Variants in SLC38A10 observed in about 807,000 individuals in gnomAD.
The protein encoded by SLC38A10 is Sodium-coupled neutral amino acid transporter 10.
A neutral mutation model predicts 81.0 loss-of-function variants in SLC38A10; 53 were observed. The ratio of observed to expected loss-of-function variants is 0.65; its 90% confidence interval spans 0.53 to 0.82. The LOEUF is 0.82. Among genes scored for constraint, SLC38A10 ranks in the 40% least tolerant of loss-of-function variants. The probability of loss-of-function intolerance (pLI) is 0.00; values close to 1 mark genes in which losing one functional copy is unlikely to be tolerated. For missense variants in SLC38A10, 1,471 were observed against 1,545.0 expected (o/e 0.95, Z 0.80); for synonymous variants, 665 against 655.3 (o/e 1.01, Z -0.23).
Position 81,283,603 on chromosome 17 carries a change from G to A in SLC38A10, c.264-101C>T. On this transcript the variant is annotated intron_variant, in intron 3 of 15. Coordinates refer to ENST00000374759, the MANE Select transcript of SLC38A10 (RefSeq NM_001037984.3). This position sits in a 1 kb window ranked among gnomAD's most constrained non-coding sequence, Gnocchi z 4.7. Reference sequence around the variant, plus strand: ...CCCAAGGCTGGGCTGAATGACAGATGTGATTTCTTTTTTCTTTTTTTTTTT... The same window carrying A: ...CCCAAGGCTGGGCTGAATGACAGATATGATTTCTTTTTTCTTTTTTTTTTT... 3 of 760,726 alleles carry A rather than the reference G, an allele frequency of 3.9e-6. No homozygotes were observed. Among genetic ancestry groups the A allele is most frequent in the Non-Finnish European group, 6.4e-6 (3 of 471,562 alleles). 47.1% of individuals were successfully genotyped at this position (760,726 alleles called of 1,614,324 possible). A position where few individuals can be genotyped will look rare whatever the true frequency, so the allele number is the denominator to read the frequency against.
chr17:81,270,047 T>C lies in SLC38A10; in HGVS notation c.1131+871A>G, dbSNP rs888195584. Among the ~76,000 whole-genome samples the C allele has an allele frequency of 6.6e-6, 1 of 152,008 alleles. No individual in the cohort carries two copies. The highest frequency in any genetic ancestry group is 1.5e-5 in the Non-Finnish European group (1 of 67,916). On this transcript the variant is annotated intron_variant, in intron 10 of 15. Coordinates refer to ENST00000374759, the MANE Select transcript of SLC38A10 (RefSeq NM_001037984.3). This position sits in a 1 kb window ranked among gnomAD's most constrained non-coding sequence, Gnocchi z 4.0. ...AAAAGTGAGCAAAGAACACAAGCAG[T>C]TCACAGAAAAAGAAACGCAAGTGGC...
intron 10 of SLC38A10, among the ~76,000 whole-genome samples, chr17:81,269,874 G>A (rs1182262708): frequency 6.6e-6 from 1 of 152,114 alleles, no homozygotes; most frequent in Non-Finnish European, 1.5e-5. Flanking sequence ...TGAGGCAGGA[G>A]AATCACTTGA....
In SLC38A10 at chr17:81,267,102, G is replaced by A. The variant is rs1387267778; in HGVS notation, c.1131+3816C>T. On this transcript the variant is annotated intron_variant, in intron 10 of 15. Coordinates refer to ENST00000374759, the MANE Select transcript of SLC38A10 (RefSeq NM_001037984.3). The stretch of plus-strand genomic sequence containing the variant: ...AACATGCAACTAACACAGTACGGAA[G>A]GGCAGACCAGCCAATAAAGTAAAAC... 2.0e-5 allele frequency among the ~76,000 whole-genome samples: 3 copies of A among 152,160 alleles called. No homozygotes were observed. In the East Asian group the frequency reaches 5.8e-4, roughly 29 times the overall value.
At chr17:81,252,778 C>T in intron 12 of SLC38A10, 95 bp from the exon 13 acceptor site, 2 of 1,489,736 alleles carry the variant, frequency 1.3e-6, no homozygotes, top group Non-Finnish European at 1.8e-6. Context: ...TTCTGGCTCC[C>T]AACAGTGTGA....
intron 13 of SLC38A10, 54 bp from the exon 14 acceptor site, chr17:81,251,666 T>G: frequency 8.4e-6 from 12 of 1,432,816 alleles, no homozygotes; most frequent in Admixed American, 2.7e-5. Flanking sequence ...AGGGAGGGTT[T>G]GGGGGGTTGG....
chr17:81,269,960 G>A (rs2044419751), intron 10 of SLC38A10, among the ~76,000 whole-genome samples: 1 of 151,882 alleles, frequency 6.6e-6, no homozygotes, highest in South Asian at 2.1e-4. Context: ...GTGAAACTCT[G>A]TCTCAAAAGA....
intron 11 of SLC38A10, among the ~76,000 whole-genome samples, chr17:81,256,917 C>T (rs1006378975): frequency 2.0e-5 from 3 of 152,214 alleles, no homozygotes; most frequent in East Asian, 3.9e-4. Flanking sequence ...GTACAGCCTC[C>T]GGCAGGCGGA....
chr17:81,245,375 T>G lies in SLC38A10; in HGVS notation c.*181A>C. ...TGCAACAGAACGACAGCAAGAACAT[T>G]CTGGAAACGATGCCACAGTGAATCT... On this transcript the variant is annotated 3_prime_UTR_variant, in exon 16 of 16. Transcript: ENST00000374759. 1.3e-6 allele frequency: 1 copy of G among 742,982 alleles called. No individual in the cohort carries two copies. Among genetic ancestry groups the G allele is most frequent in the South Asian group, 2.1e-5 (1 of 47,966 alleles). 46.0% of individuals were successfully genotyped at this position (742,982 alleles called of 1,614,324 possible). A position where few individuals can be genotyped will look rare whatever the true frequency, so the allele number is the denominator to read the frequency against.
intron 11 of SLC38A10, among the ~76,000 whole-genome samples, chr17:81,255,156 AGCGTTCT>A (rs1382675463): frequency 3.3e-5 from 5 of 152,248 alleles, no homozygotes; most frequent in Non-Finnish European, 7.3e-5. Flanking sequence ...CACGCCTCTC[AGCGTTCT>A]GCAAGTGTTG....
Position 81,276,014 on chromosome 17 carries a change from G to C in SLC38A10, c.867C>G (p.Ile289Met). 6.2e-7 allele frequency: 1 copy of C among 1,613,728 alleles called. No individual in the cohort carries two copies. The highest frequency in any genetic ancestry group is 8.5e-7 in the Non-Finnish European group (1 of 1,179,998). The change falls in exon 8 of 16, where the codon ATC (isoleucine) becomes ATG (methionine). Residue 289 changes from isoleucine to methionine, a missense_variant. Around this residue, in one of 2 missense-constraint regions of SLC38A10, gnomAD observed 720 missense variants for 827.7 expected, o/e 0.87. Transcript: ENST00000374759. The surrounding 1 kb of genome is among the most constrained non-coding windows in gnomAD (Gnocchi z 4.7). Reference sequence around the variant, plus strand: ...TGCTCAGGGCCTGCCTGCATGGCAGGATCATCATGGGGAAGCCCACAGCCA... The same window carrying C: ...TGCTCAGGGCCTGCCTGCATGGCAGCATCATCATGGGGAAGCCCACAGCCA... The part of the protein sequence containing the change: ...MSVAVGFPMM[I>M]LPCRQALSTL...
At position 81,283,124 on chromosome 17, in the gene SLC38A10, G is replaced by A. The variant is rs746650134; in HGVS notation, c.357+285C>T. Among the ~76,000 whole-genome samples, 16 of 152,296 alleles carry A rather than the reference G, an allele frequency of 1.1e-4. No homozygotes were observed. The highest frequency in any genetic ancestry group is 2.1e-4 in the South Asian group (1 of 4,826). ...GCCTCTGCCCTCCAATGGGCAGCCC[G>A]GGCTGGCAGAGACTTGCTCTGCACT... On this transcript the variant is annotated intron_variant, in intron 4 of 15. Coordinates refer to ENST00000374759, the MANE Select transcript of SLC38A10 (RefSeq NM_001037984.3). The surrounding 1 kb of genome is among the most constrained non-coding windows in gnomAD (Gnocchi z 4.7).
rs752515418 is a variant in SLC38A10 at position 81,252,232 on chromosome 17, G to A, written c.1908C>T (p.Ala636=). ...AKGGPPPGNA[A]GDTGQPAEDS... Reference sequence around the variant, plus strand: ...CCTCTGCGGGCTGCCCTGTGTCCCCGGCGGCGTTGCCTGGCGGCGGTCCCC... The same window carrying A: ...CCTCTGCGGGCTGCCCTGTGTCCCCAGCGGCGTTGCCTGGCGGCGGTCCCC... Residue 636 remains alanine (A), a synonymous_variant, in exon 13 of 16, where the codon GCC becomes GCT. Transcript: ENST00000374759. 1.6e-5 allele frequency: 24 copies of A among 1,541,704 alleles called. No homozygotes were observed. The highest frequency in any genetic ancestry group is 1.0e-4 in the Admixed American group (5 of 48,960).
rs764572675 is a variant in SLC38A10 at position 81,245,727 on chromosome 17, C to G, written c.3189G>C (p.Gln1063His). 1.3e-6 allele frequency: 2 copies of G among 1,597,918 alleles called. No individual in the cohort carries two copies. The highest frequency in any genetic ancestry group is 1.7e-6 in the Non-Finnish European group (2 of 1,168,868). ...TGATGACCCCATCCCTCGGGGCCAG[C>G]TGACCCTCTGCATGAGGGCCAAGGT... ...RRDLGPHAEG[Q>H]LAPRDGVIIG... The change falls in exon 16 of 16, where the codon CAG (glutamine) becomes CAC (histidine). Residue 1063 changes from glutamine to histidine, a missense_variant. Transcript: ENST00000374759.
chr17:81,286,590 G>T lies in SLC38A10; in HGVS notation c.218-1695C>A, dbSNP rs2063268884. Among the ~76,000 whole-genome samples, 1 of 152,216 alleles carries T rather than the reference G, an allele frequency of 6.6e-6. No homozygotes were observed. Among genetic ancestry groups the T allele is most frequent in the African/African-American group, 2.4e-5 (1 of 41,454 alleles). On this transcript the variant is annotated intron_variant, in intron 2 of 15. Coordinates refer to ENST00000374759, the MANE Select transcript of SLC38A10 (RefSeq NM_001037984.3). This position sits in a 1 kb window ranked among gnomAD's most constrained non-coding sequence, Gnocchi z 6.0. ...GGAAGAGGCTGAAGCGCCCAGCAAG[G>T]TCCCGGGGACCCAGCCCTCCCCCGA...
At position 81,245,880 on chromosome 17, in the gene SLC38A10, G is replaced by A. The variant is rs770256069; in HGVS notation, c.3036C>T (p.Pro1012=). Residue 1012 remains proline, a synonymous_variant, in exon 16 of 16, where the codon CCC becomes CCT. Transcript: ENST00000374759. The part of the protein sequence containing the change: ...RGGEDAAVQE[P]RQRPEPELGL... ...CCAGCTCTGGCTCTGGCCTCTGCCT[G>A]GGCTCCTGGACAGCAGCGTCCTCCC... 1.9e-6 allele frequency: 3 copies of A among 1,612,166 alleles called. No homozygotes were observed. Among genetic ancestry groups the A allele is most frequent in the South Asian group, 1.1e-5 (1 of 91,082 alleles).
chr17:81,258,622 C>T (rs1025758414), intron 11 of SLC38A10, among the ~76,000 whole-genome samples: 2 of 152,120 alleles, frequency 1.3e-5, no homozygotes, highest in African/African-American at 4.8e-5. Context: ...GCTAGGGTCT[C>T]AGCACACTGG....
At chr17:81,258,920 ACCCAGAAGGCAGGGCTCCCCTG>A (rs938591974) in intron 11 of SLC38A10, among the ~76,000 whole-genome samples, 18 of 152,210 alleles carry the variant, frequency 1.2e-4, no homozygotes, top group Admixed American at 2.0e-4. Context: ...GCTGCACGGA[ACCCAGAAGGCAGGGCTCCCCTG>A]CCCACCTTCG....
chr17:81,275,860 G>A (rs151183795), intron 8 of SLC38A10, 109 bp downstream of exon 8: 26 of 1,314,692 alleles, frequency 2.0e-5, no homozygotes, highest in East Asian at 4.8e-5. Context: ...CTCCTCTGAC[G>A]CAAATCCCCA....
At chr17:81,279,118 T>C (rs2063186560) in intron 6 of SLC38A10, among the ~76,000 whole-genome samples, 1 of 152,178 alleles carries the variant, frequency 6.6e-6, no homozygotes, top group Non-Finnish European at 1.5e-5. Context: ...AATGGAGCCA[T>C]CCACATGCAG....
Sources: allele counts gnomAD v4.1 joint callset (sites outside exome capture counted in the v4.1 genomes callset), GRCh38; gene constraint gnomAD v4.1.1; regional missense constraint gnomAD v4.1.1; non-coding constraint Gnocchi (gnomAD v3.1); transcripts MANE v1.5; gene names NCBI Gene and HGNC (gene_info 2026-07-23, HGNC 2026-07-21).